Variants in FMNL3 observed in about 807,000 individuals in gnomAD.
FMNL3 encodes formin like 3, also known as formin-like protein 3.
FMNL3 carries 57 observed loss-of-function variants against 119.6 expected under a neutral mutation model. The ratio of observed to expected loss-of-function variants is 0.48; its 90% CI spans 0.39 to 0.59. The LOEUF is 0.59. Among genes scored for constraint, FMNL3 ranks in the 20% least tolerant of loss-of-function variants. FMNL3 has a pLI of 0.00. For synonymous variants in FMNL3, 491 were observed against 507.3 expected (o/e 0.97, Z 0.43); for missense variants, 1,053 against 1,323.5 (o/e 0.80, Z 3.17).
At position 49,641,985 on chromosome 12, in the gene FMNL3, C is replaced by T. The variant is rs368968591; in HGVS notation, c.*3830G>A. On this transcript the variant is annotated 3_prime_UTR_variant, in exon 26 of 26. Coordinates refer to ENST00000335154, the MANE Select transcript of FMNL3 (RefSeq NM_175736.5). ...TCATAAGCTTTGACAAGAGGGCTGC[C>T]GCACTGGACGCAGGCAACATCAAGC... 77 of 1,613,690 alleles carry T rather than the reference C, an allele frequency of 4.8e-5. No individual in the cohort carries two copies. The highest frequency in any genetic ancestry group is 3.5e-4 in the South Asian group (32 of 91,090).
At chr12:49,686,015 T>C (rs1057212966) in intron 1 of FMNL3, among the ~76,000 whole-genome samples, 1 of 151,980 alleles carries the variant, frequency 6.6e-6, no homozygotes, top group Non-Finnish European at 1.5e-5. Context: ...TGCAGTGAGC[T>C]GAGATTGTGC....
Position 49,650,035 on chromosome 12 carries a change from C to G in FMNL3, c.2001-110G>C, listed in dbSNP as rs1039048551. On this transcript the variant is annotated intron_variant, in intron 17 of 25. Coordinates refer to ENST00000335154, the MANE Select transcript of FMNL3 (RefSeq NM_175736.5). ...ACTGGACAGGGGACTGTACACGGAA[C>G]ACAGCCAAAGGCAAAGGACCCATTG... is the stretch of plus-strand genomic sequence containing the variant. 47 of 942,118 alleles carry G rather than the reference C, an allele frequency of 5.0e-5. No individual in the cohort carries two copies. In the African/African-American group the frequency reaches 7.6e-4, roughly 15 times the overall value. 58.4% of individuals were successfully genotyped at this position (942,118 alleles called of 1,614,324 possible).
chr12:49,660,371 A>G (rs538109341), intron 5 of FMNL3, among the ~76,000 whole-genome samples: 76 of 152,304 alleles, frequency 5.0e-4, no homozygotes, highest in African/African-American at 1.8e-3. Context: ...TATTTGGAAA[A>G]ATGAGCTACA....
At chr12:49,673,306 G>A (rs896843115) in intron 1 of FMNL3, among the ~76,000 whole-genome samples, 2 of 152,254 alleles carry the variant, frequency 1.3e-5, no homozygotes, top group Non-Finnish European at 2.9e-5. Flanking sequence ...GAGCAGATGA[G>A]CAAAGATGGA....
At position 49,637,808 on chromosome 12, in the gene FMNL3, T is replaced by C; in HGVS notation, c.*8007A>G. 2.5e-6 allele frequency: 4 copies of C among 1,604,008 alleles called. No individual in the cohort carries two copies. In the South Asian group the frequency reaches 4.4e-5, roughly 18 times the overall value. On this transcript the variant is annotated 3_prime_UTR_variant, in exon 26 of 26. Transcript: ENST00000335154. Reference sequence around the variant, plus strand: ...CGATTCCATGATGAAAAGAAGATCATTAAGGACATCCTTAAGGTGAGGGAG... The same window carrying C: ...CGATTCCATGATGAAAAGAAGATCACTAAGGACATCCTTAAGGTGAGGGAG...
chr12:49,696,017 C>T (rs996389642), intron 1 of FMNL3, among the ~76,000 whole-genome samples: 2 of 152,104 alleles, frequency 1.3e-5, no homozygotes, highest in African/African-American at 4.8e-5. Context: ...CTTTGGCCGT[C>T]ACTGCAAGAG....
chr12:49,663,317 C>G (rs956628216), intron 4 of FMNL3, among the ~76,000 whole-genome samples: 1 of 152,170 alleles, frequency 6.6e-6, no homozygotes, highest in Non-Finnish European at 1.5e-5. Flanking sequence ...GAAAGAGGAG[C>G]TGGAGAGGCT....
At chr12:49,671,090 G>A (rs146019345) in intron 1 of FMNL3, among the ~76,000 whole-genome samples, 2,135 of 152,344 alleles carry the variant, frequency 0.014, 50 homozygotes, top group African/African-American at 0.048. Flanking sequence ...CACTGCTGTG[G>A]CAGACATCAC....
At chr12:49,657,278 G>T (rs1943601560) in intron 6 of FMNL3, 88 bp from the exon 7 acceptor site, 2 of 1,062,462 alleles carry the variant, frequency 1.9e-6, no homozygotes, top group Non-Finnish European at 2.9e-6. Context: ...ACAGCAGGCT[G>T]CCCCTTAGCA....
intron 25 of FMNL3, 143 bp downstream of exon 25, chr12:49,646,743 A>G: frequency 1.9e-6 from 3 of 1,582,238 alleles, no homozygotes; most frequent in South Asian, 1.1e-5. Flanking sequence ...TGAAAGGGAC[A>G]CTCTTCAGCA....
chr12:49,665,708 G>A, intron 4 of FMNL3, 124 bp downstream of exon 4: 1 of 1,010,834 alleles, frequency 9.9e-7, no homozygotes, highest in South Asian at 1.3e-5. Context: ...GCCATTCAAG[G>A]GGCAACTCTG....
In FMNL3 at chr12:49,641,450, T is replaced by C. The variant is rs1942635135; in HGVS notation, c.*4365A>G. ...GGATACTAGGACCTATTCTTAAATG[T>C]AGAACCAAGAGGATTAAATGAGATA... On this transcript the variant is annotated 3_prime_UTR_variant, in exon 26 of 26. Transcript: ENST00000335154. The C allele has an allele frequency of 6.3e-6, 1 of 157,968 alleles. No individual in the cohort carries two copies. Among genetic ancestry groups the C allele is most frequent in the South Asian group, 1.9e-4 (1 of 5,198 alleles). The allele number at this position is 157,968 out of a possible 1,614,324, so 9.8% of individuals were successfully genotyped here. A position where few individuals can be genotyped will look rare whatever the true frequency, so the allele number is the denominator to read the frequency against.
intron 5 of FMNL3, chr12:49,659,994 G>A: frequency 1.0e-6 from 1 of 983,054 alleles, no homozygotes; most frequent in South Asian, 4.7e-5. Flanking sequence ...ACGTCAGAAT[G>A]TTCCAAAGGA....
intron 13 of FMNL3, among the ~76,000 whole-genome samples, chr12:49,652,525 G>C (rs532526520): frequency 6.6e-6 from 1 of 152,118 alleles, no homozygotes; most frequent in Non-Finnish European, 1.5e-5. Context: ...ATCTACCACC[G>C]GTCTGACATA....
chr12:49,702,672 G>A (rs1944940523), intron 1 of FMNL3, among the ~76,000 whole-genome samples: 1 of 151,988 alleles, frequency 6.6e-6, no homozygotes, highest in Non-Finnish European at 1.5e-5. Context: ...CTAAGGCAGG[G>A]TCATATCAGA....
intron 1 of FMNL3, among the ~76,000 whole-genome samples, chr12:49,706,518 C>T (rs1176746970): frequency 6.6e-6 from 1 of 151,900 alleles, no homozygotes; most frequent in African/African-American, 2.4e-5. Context: ...TTATTCCACC[C>T]CCTTCAGGAG....
intron 1 of FMNL3, among the ~76,000 whole-genome samples, chr12:49,695,690 G>C (rs1944731551): frequency 6.6e-6 from 1 of 152,102 alleles, no homozygotes; most frequent in Non-Finnish European, 1.5e-5. Flanking sequence ...GATGAGATGA[G>C]GGACTCTACT....
In FMNL3 at chr12:49,647,474, A is replaced by AGAG; in HGVS notation, c.2779-107_2779-106insCTC. On this transcript the variant is annotated intron_variant, in intron 23 of 25. Transcript: ENST00000335154. The surrounding 1 kb of genome is among the most constrained non-coding windows in gnomAD (Gnocchi z 4.9). ...GGTGGCAGTGGGACCCGCTAACTCC[A>AGAG]GGTGGCCACCCTCTGGAGGGGCACT... 3.9e-6 allele frequency: 5 copies of AGAG among 1,282,642 alleles called. No individual in the cohort carries two copies. The highest frequency in any genetic ancestry group is 5.6e-6 in the Non-Finnish European group (5 of 893,380). 79.5% of individuals were successfully genotyped at this position (1,282,642 alleles called of 1,614,324 possible).
chr12:49,653,605 C>T lies in FMNL3; in HGVS notation c.1221+120G>A, dbSNP rs1943474832. ...CAGGCCTGAGTATGCTCTTGAGAGC[C>T]CTGGTGGGTTCTAAAGCCTCCCTGG... On this transcript the variant is annotated intron_variant, in intron 12 of 25. Coordinates refer to ENST00000335154, the MANE Select transcript of FMNL3 (RefSeq NM_175736.5). 1.9e-5 allele frequency: 27 copies of T among 1,411,636 alleles called. No individual in the cohort carries two copies. In the East Asian group the frequency reaches 5.5e-4, roughly 29 times the overall value. The allele number at this position is 1,411,636 out of a possible 1,614,324, so 87.4% of individuals were successfully genotyped here. A position where few individuals can be genotyped will look rare whatever the true frequency, so the allele number is the denominator to read the frequency against.
Sources: gnomAD v4.1 joint callset for allele counts (sites outside exome capture counted in the v4.1 genomes callset) on GRCh38, gnomAD v4.1.1 for gene constraint, Gnocchi (gnomAD v3.1) non-coding constraint, MANE v1.5 for transcripts, NCBI Gene and HGNC (gene_info 2026-07-23, HGNC 2026-07-21) for gene names.